Variants in WNT2 observed in about 807,000 individuals in gnomAD.
WNT2 encodes the protein protein Wnt-2.
A neutral mutation model predicts 36.9 loss-of-function variants in WNT2; 12 were observed. That is an observed-to-expected ratio of 0.33 (90% CI 0.21 to 0.53). The LOEUF is 0.53. WNT2 is among the 20% of genes least tolerant of loss of function. The pLI, the probability that WNT2 is intolerant of heterozygous loss-of-function variation, is 0.95. For missense variants in WNT2, 379 were observed against 473.1 expected (o/e 0.80, Z 1.84); for synonymous variants, 163 against 174.6 (o/e 0.93, Z 0.52).
At chr7:117,314,274 G>T (rs1464558420) in intron 3 of WNT2, among the ~76,000 whole-genome samples, 3 of 152,192 alleles carry the variant, frequency 2.0e-5, no homozygotes, top group East Asian at 1.9e-4. Context: ...CATACCAAAA[G>T]ACATGGGTCA....
intron 3 of WNT2, among the ~76,000 whole-genome samples, chr7:117,301,384 T>C (rs1244717961): frequency 6.6e-6 from 1 of 152,112 alleles, no homozygotes; most frequent in Admixed American, 6.5e-5. Flanking sequence ...GGCAGCCTGT[T>C]TTCAAGAGTA....
intron 3 of WNT2, among the ~76,000 whole-genome samples, chr7:117,303,160 A>C (rs1278936118): frequency 6.6e-6 from 1 of 152,152 alleles, no homozygotes; most frequent in East Asian, 1.9e-4. Flanking sequence ...TCTAATATGC[A>C]GTCAGGGTTC....
At position 117,281,229 on chromosome 7, in the gene WNT2, C is replaced by CTGT. The variant is rs144970037; in HGVS notation, c.854-2848_854-2846dup. Among the ~76,000 whole-genome samples, 654 of 152,072 alleles carry CTGT rather than the reference C, an allele frequency of 4.3e-3. 3 individuals are homozygous for CTGT. The highest frequency in any genetic ancestry group is 0.015 in the African/African-American group (603 of 41,450). Reference sequence around the variant, plus strand: ...AGGCTGGAGCAACAGGTTAAAGGGTCTGTTGTTGTTGTTGTTATTGTTGTT... The same window carrying CTGT: ...AGGCTGGAGCAACAGGTTAAAGGGTCTGTTGTTGTTGTTGTTGTTATTGTTGTT... On this transcript the variant is annotated intron_variant, in intron 4 of 4. Transcript: ENST00000265441.
chr7:117,277,926 G>A lies in WNT2; in HGVS notation c.*229C>T. 1.8e-6 allele frequency: 1 copy of A among 566,404 alleles called. No homozygotes were observed. The highest frequency in any genetic ancestry group is 3.1e-6 in the Non-Finnish European group (1 of 317,630). 35.1% of individuals were successfully genotyped at this position (566,404 alleles called of 1,614,324 possible). ...TATTTCCAAAGAGAACTCGCCAGGA[G>A]GGGAGATGACTGCAGAACACCAGGA... On this transcript the variant is annotated 3_prime_UTR_variant, in exon 5 of 5. Transcript: ENST00000265441.
At chr7:117,321,860 C>T (rs181563419) in intron 1 of WNT2, among the ~76,000 whole-genome samples, 1 of 152,318 alleles carries the variant, frequency 6.6e-6, no homozygotes, top group Non-Finnish European at 1.5e-5. Flanking sequence ...CTGTTCAAAG[C>T]CGGCTTAGGA....
At position 117,276,359 on chromosome 7, in the gene WNT2, T is replaced by C. The variant is rs6948009; in HGVS notation, c.*1796A>G. Among the ~76,000 whole-genome samples, 16,519 of 152,296 alleles carry C rather than the reference T, an allele frequency of 0.11. 1,380 individuals carry two copies. Among genetic ancestry groups the C allele is most frequent in the African/African-American group, 0.24 (9,869 of 41,530 alleles). The stretch of plus-strand genomic sequence containing the variant: ...TAACTGAAGACTGAGCAGCTGCCCA[T>C]GTGCCTGGCCTTCTTCACACCAAGC... On this transcript the variant is annotated 3_prime_UTR_variant, in exon 5 of 5. Coordinates refer to ENST00000265441, the MANE Select transcript of WNT2 (RefSeq NM_003391.3).
chr7:117,321,291 C>A (rs1044205624), intron 1 of WNT2, among the ~76,000 whole-genome samples: 3 of 152,220 alleles, frequency 2.0e-5, no homozygotes, highest in Admixed American at 1.3e-4. Context: ...TCAACACCCG[C>A]TGGTATCTGA....
intron 3 of WNT2, among the ~76,000 whole-genome samples, chr7:117,310,659 C>G (rs528576609): frequency 6.6e-6 from 1 of 151,724 alleles, no homozygotes; most frequent in Non-Finnish European, 1.5e-5. Context: ...GCCTCAGTTC[C>G]TATTAAATCT....
In WNT2 at chr7:117,322,844, T is replaced by C. The variant is rs1795354967; in HGVS notation, c.83+63A>G. Reference sequence around the variant, plus strand: ...GGGGAACGCAGCCAGGAAGGGTCTATGTGGCCAATGCGGTCCCCATTCCGA... The same window carrying C: ...GGGGAACGCAGCCAGGAAGGGTCTACGTGGCCAATGCGGTCCCCATTCCGA... On this transcript the variant is annotated intron_variant, in intron 1 of 4. Transcript: ENST00000265441. This position sits in a 1 kb window ranked among gnomAD's most constrained non-coding sequence, Gnocchi z 5.4. 1 of 1,543,288 alleles carries C rather than the reference T, an allele frequency of 6.5e-7. No homozygotes were observed. The highest frequency in any genetic ancestry group is 1.4e-5 in the African/African-American group (1 of 73,102).
intron 3 of WNT2, among the ~76,000 whole-genome samples, chr7:117,313,462 T>G (rs1048713970): frequency 2.0e-5 from 3 of 152,230 alleles, no homozygotes; most frequent in Non-Finnish European, 2.9e-5. Flanking sequence ...TGATTTACAT[T>G]AAAAGTTGTG....
At chr7:117,313,591 T>C (rs1283879191) in intron 3 of WNT2, among the ~76,000 whole-genome samples, 1 of 152,274 alleles carries the variant, frequency 6.6e-6, no homozygotes, top group Non-Finnish European at 1.5e-5. Flanking sequence ...AATGTTCTTT[T>C]GGATACAATA....
At chr7:117,301,137 G>C (rs1042073033) in intron 3 of WNT2, 4 of 152,154 alleles carry the variant, frequency 2.6e-5, no homozygotes, top group African/African-American at 7.2e-5. Context: ...ATTAATGACA[G>C]GCTTTATCTG....
At chr7:117,299,494 C>CTTTTTTTTTTTT in intron 3 of WNT2, among the ~76,000 whole-genome samples, 1 of 138,860 alleles carries the variant, frequency 7.2e-6, no homozygotes, top group Non-Finnish European at 1.6e-5. Flanking sequence ...TTCTTTCTTT[C>CTTTTTTTTTTTT]TTTTTTTTTT....
In WNT2 at chr7:117,297,813, T is replaced by G. The variant is rs1292926851; in HGVS notation, c.652A>C (p.Arg218=). Residue 218 remains arginine (R), a synonymous_variant, in exon 4 of 5, where the codon AGG becomes CGG. Coordinates refer to ENST00000265441, the MANE Select transcript of WNT2 (RefSeq NM_003391.3). The stretch of plus-strand genomic sequence containing the variant: ...TCGGCCATGGCCAGCCAGCATGTCC[T>G]GAGAGTACATGAGCCGCTCACCCCG... ...CHGVSGSCTL[R]TCWLAMADFR... 6.2e-7 allele frequency: 1 copy of G among 1,614,152 alleles called. No individual in the cohort carries two copies. Among genetic ancestry groups the G allele is most frequent in the Non-Finnish European group, 8.5e-7 (1 of 1,180,002 alleles).
chr7:117,298,281 G>A lies in WNT2; in HGVS notation c.589-405C>T, dbSNP rs547189830. Reference sequence around the variant, plus strand: ...AAAATAAAATAATATAAAAATGTATGTATTATGCAAATTAAATTAACAAAA... The same window carrying A: ...AAAATAAAATAATATAAAAATGTATATATTATGCAAATTAAATTAACAAAA... On this transcript the variant is annotated intron_variant, in intron 3 of 4. Coordinates refer to ENST00000265441, the MANE Select transcript of WNT2 (RefSeq NM_003391.3). 2.6e-5 allele frequency among the ~76,000 whole-genome samples: 4 copies of A among 152,324 alleles called. 1 individual carries two copies. The highest frequency in any genetic ancestry group is 2.6e-4 in the Admixed American group (4 of 15,298).
At chr7:117,314,090 C>T (rs1381456553) in intron 3 of WNT2, among the ~76,000 whole-genome samples, 1 of 152,180 alleles carries the variant, frequency 6.6e-6, no homozygotes, top group Non-Finnish European at 1.5e-5. Context: ...TAATATCAAA[C>T]ACATTTTTAT....
rs1183824377 is a variant in WNT2, at chr7:117,315,199, A to G, written c.460T>C (p.Trp154Arg). 1 of 1,614,142 alleles carries G rather than the reference A, an allele frequency of 6.2e-7. No homozygotes were observed. The change falls in exon 3 of 5, where the codon TGG becomes CGG. Residue 154 changes from tryptophan to arginine, a missense_variant. By Grantham distance (101) the Trp-to-Arg change is moderately radical. Transcript: ENST00000265441. ...SAKDSKGIFD[W>R]GGCSDNIDYG... ...TCAATGTTATCACTGCAGCCACCCC[A>G]ATCAAAAATGCCTTTGCTGTCCTTG...
chr7:117,293,422 A>C (rs1324259334), intron 4 of WNT2, among the ~76,000 whole-genome samples: 1 of 152,112 alleles, frequency 6.6e-6, no homozygotes. Flanking sequence ...GAAGGCGCCC[A>C]CTAAGTTGAA....
chr7:117,322,975 G>A lies in WNT2; in HGVS notation c.15C>T (p.Leu5=), dbSNP rs772720755. The change falls in exon 1 of 5, where the codon CTC becomes CTT. Residue 5 remains leucine (L), a synonymous_variant. Transcript: ENST00000265441. The surrounding 1 kb of genome is among the most constrained non-coding windows in gnomAD (Gnocchi z 5.4). ...GAGGGAGCCAGAGCCAGATTCCACC[G>A]AGAGGGGCGTTCATATTAACCCCCT... MNAP[L]GGIWLWLPLL... 1 of 1,612,898 alleles carries A rather than the reference G, an allele frequency of 6.2e-7. No homozygotes were observed. The highest frequency in any genetic ancestry group is 8.5e-7 in the Non-Finnish European group (1 of 1,179,676).
Sources: gnomAD v4.1 joint callset for allele counts (sites outside exome capture counted in the v4.1 genomes callset) on GRCh38, gnomAD v4.1.1 for gene constraint, Gnocchi (gnomAD v3.1) non-coding constraint, MANE v1.5 for transcripts, NCBI Gene and HGNC (gene_info 2026-07-23, HGNC 2026-07-21) for gene names.